The following PIEZO2 variants were observed in gnomAD, a reference collection of about 807,000 sequenced individuals.
The protein encoded by PIEZO2 is piezo-type mechanosensitive ion channel component 2.
PIEZO2 carries 172 observed loss-of-function variants against 337.3 expected under a neutral mutation model. That is an observed-to-expected ratio of 0.51 (90% CI 0.45 to 0.58). The LOEUF (loss-of-function observed/expected upper bound fraction) is 0.58, where lower values mean the gene tolerates loss of function less well. Ranked by LOEUF, PIEZO2 falls within the 20% of genes least tolerant of loss-of-function variation. The pLI is 0.00. For synonymous variants in PIEZO2, 1,251 were observed against 1,228.5 expected, an observed-to-expected ratio of 1.02 and a Z score of -0.38; for missense variants, 3,028 against 3,391.3, an observed-to-expected ratio of 0.89 and a Z score of 2.66.
Position 11,116,710 on chromosome 18 carries a change from G to A in PIEZO2, c.64+31815C>T, listed in dbSNP as rs1351010917. ...AGCCTGGGCGACAGAACGAGACTCCGTCTCAAAAAAAACAAAGAAAAAAAA... is the reference window on the plus strand; with the variant it reads ...AGCCTGGGCGACAGAACGAGACTCCATCTCAAAAAAAACAAAGAAAAAAAA... On this transcript the variant is annotated intron_variant, in intron 1 of 55. Coordinates refer to ENST00000674853, the MANE Select transcript of PIEZO2 (RefSeq NM_001378183.1). The surrounding 1 kb of genome is among the most constrained non-coding windows in gnomAD (Gnocchi z 5.0). Among the ~76,000 whole-genome samples, 3 of 150,598 alleles carry A rather than the reference G, an allele frequency of 2.0e-5. No individual in the cohort carries two copies. Among genetic ancestry groups the A allele is most frequent in the Non-Finnish European group, 4.4e-5 (3 of 67,846 alleles).
intron 21 of PIEZO2, among the ~76,000 whole-genome samples, chr18:10,768,378 A>G (rs2038455560): frequency 6.6e-6 from 1 of 152,210 alleles, no homozygotes; most frequent in African/African-American, 2.4e-5. Flanking sequence ...ATTGGATGTC[A>G]TCACCAAATT....
rs1568096281 is a variant in PIEZO2 at position 10,819,032 on chromosome 18, C to G, written c.918-11758G>C. Among the ~76,000 whole-genome samples the G allele has an allele frequency of 2.0e-5, 3 of 152,114 alleles. No individual in the cohort carries two copies. The highest frequency in any genetic ancestry group is 2.9e-5 in the Non-Finnish European group (2 of 68,018). Reference sequence around the variant, plus strand: ...TAATAATTTTTTGTTACACTTTAAACAGTAAATATACACATCGTCCCCCAC... The same window carrying G: ...TAATAATTTTTTGTTACACTTTAAAGAGTAAATATACACATCGTCCCCCAC... On this transcript the variant is annotated intron_variant, in intron 7 of 55. Transcript: ENST00000674853. This position sits in a 1 kb window ranked among gnomAD's most constrained non-coding sequence, Gnocchi z 4.3.
rs1014160728 is a variant in PIEZO2, at chr18:10,888,839, G to A, written c.330-17424C>T. 6.6e-6 allele frequency among the ~76,000 whole-genome samples: 1 copy of A among 151,362 alleles called. No homozygotes were observed. Among genetic ancestry groups the A allele is most frequent in the African/African-American group, 2.4e-5 (1 of 41,108 alleles). On this transcript the variant is annotated intron_variant, in intron 4 of 55. Coordinates refer to ENST00000674853, the MANE Select transcript of PIEZO2 (RefSeq NM_001378183.1). The surrounding 1 kb of genome is among the most constrained non-coding windows in gnomAD (Gnocchi z 4.1). ...TCCAGCTGTCACTTCTGCAACCCCC[G>A]AGACAGAGCCACTTTCTCATACAGG...
rs2034035110 is a variant in PIEZO2 at position 10,676,958 on chromosome 18, T to G, written c.8081+789A>C. ...GAATGCGATACCACTGGGCACATAC[T>G]ATGTTGGGCCATATGAACCCAGGTG... On this transcript the variant is annotated intron_variant, in intron 53 of 55. Coordinates refer to ENST00000674853, the MANE Select transcript of PIEZO2 (RefSeq NM_001378183.1). The surrounding 1 kb of genome is among the most constrained non-coding windows in gnomAD (Gnocchi z 5.1). Among the ~76,000 whole-genome samples, 1 of 152,164 alleles carries G rather than the reference T, an allele frequency of 6.6e-6. No individual in the cohort carries two copies. Among genetic ancestry groups the G allele is most frequent in the Non-Finnish European group, 1.5e-5 (1 of 68,020 alleles).
At chr18:11,011,125 A>T (rs2660273) in intron 2 of PIEZO2, among the ~76,000 whole-genome samples, 1 of 151,996 alleles carries the variant, frequency 6.6e-6, no homozygotes, top group African/African-American at 2.4e-5. Flanking sequence ...AGCCTCCTAA[A>T]GACTGCAATG....
rs1056235479 is a variant in PIEZO2 at position 11,001,668 on chromosome 18, G to A, written c.161-22008C>T. Among the ~76,000 whole-genome samples the A allele has an allele frequency of 6.6e-5, 10 of 151,788 alleles. No homozygotes were observed. Among genetic ancestry groups the A allele is most frequent in the Admixed American group, 3.9e-4 (6 of 15,234 alleles). On this transcript the variant is annotated intron_variant, in intron 2 of 55. Coordinates refer to ENST00000674853, the MANE Select transcript of PIEZO2 (RefSeq NM_001378183.1). The surrounding 1 kb of genome is among the most constrained non-coding windows in gnomAD (Gnocchi z 5.3). ...TGAGGTGGGCGGATCATCTGAGGTCGGGAGTTCGAGACCAACCTGGCTAAC... is the reference window on the plus strand; with the variant it reads ...TGAGGTGGGCGGATCATCTGAGGTCAGGAGTTCGAGACCAACCTGGCTAAC...
intron 23 of PIEZO2, 37 bp downstream of exon 23, chr18:10,762,463 G>T: frequency 6.5e-7 from 1 of 1,529,878 alleles, no homozygotes; most frequent in Non-Finnish European, 8.7e-7. Flanking sequence ...TTATATAACG[G>T]AGTGGAGGCC....
Position 10,759,475 on chromosome 18 carries a change from C to A in PIEZO2, c.3757+7G>T. ...GCACTCTGTGGCCCTGCAGTGGAAA[C>A]ACTTACAGACGAGAAACACAGGGTT... On this transcript the variant is annotated splice_region_variant and intron_variant, in intron 26 of 55. Coordinates refer to ENST00000674853, the MANE Select transcript of PIEZO2 (RefSeq NM_001378183.1). This position sits in a 1 kb window ranked among gnomAD's most constrained non-coding sequence, Gnocchi z 5.5. 6.5e-7 allele frequency: 1 copy of A among 1,534,378 alleles called. No individual in the cohort carries two copies. The highest frequency in any genetic ancestry group is 2.4e-5 in the East Asian group (1 of 40,894).
rs1429428881 is a variant in PIEZO2 at position 10,727,222 on chromosome 18, G to C, written c.5029+4185C>G. 1 of 286,064 alleles carries C rather than the reference G, an allele frequency of 3.5e-6. No individual in the cohort carries two copies. The highest frequency in any genetic ancestry group is 6.4e-6 in the Non-Finnish European group (1 of 155,852). 17.7% of individuals were successfully genotyped at this position (286,064 alleles called of 1,614,324 possible). On this transcript the variant is annotated intron_variant, in intron 36 of 55. Coordinates refer to ENST00000674853, the MANE Select transcript of PIEZO2 (RefSeq NM_001378183.1). This position sits in a 1 kb window ranked among gnomAD's most constrained non-coding sequence, Gnocchi z 6.3. ...GGGAAGGCATGGGGGCAGGAAGGGAGCTGAGCATTGATGGGGATGAGGGTG... is the reference window on the plus strand; with the variant it reads ...GGGAAGGCATGGGGGCAGGAAGGGACCTGAGCATTGATGGGGATGAGGGTG...
chr18:10,838,906 A>C (rs973559533), intron 7 of PIEZO2, among the ~76,000 whole-genome samples: 6 of 152,226 alleles, frequency 3.9e-5, no homozygotes, highest in Non-Finnish European at 8.8e-5. Flanking sequence ...CAAGAAGCCC[A>C]AGATGAGAGG....
At position 11,016,627 on chromosome 18, in the gene PIEZO2, G is replaced by A. The variant is rs2036124781; in HGVS notation, c.161-36967C>T. On this transcript the variant is annotated intron_variant, in intron 2 of 55. Transcript: ENST00000674853. The surrounding 1 kb of genome is among the most constrained non-coding windows in gnomAD (Gnocchi z 5.6). ...AAAAGAAAACAAATGCTGGGATTCT[G>A]AATACAATCCTAGAAAAGGCAAAAC... 6.6e-6 allele frequency among the ~76,000 whole-genome samples: 1 copy of A among 152,154 alleles called. No homozygotes were observed. The highest frequency in any genetic ancestry group is 1.5e-5 in the Non-Finnish European group (1 of 68,024).
chr18:11,095,776 G>T lies in PIEZO2; in HGVS notation c.65-29554C>A, dbSNP rs138155471. On this transcript the variant is annotated intron_variant, in intron 1 of 55. Coordinates refer to ENST00000674853, the MANE Select transcript of PIEZO2 (RefSeq NM_001378183.1). Reference sequence around the variant, plus strand: ...GACTTCAACCGATTTGGAAGCTTTTGTCTAAATAGCCCTGAAATCCCCCGA... The same window carrying T: ...GACTTCAACCGATTTGGAAGCTTTTTTCTAAATAGCCCTGAAATCCCCCGA... 6.9e-3 allele frequency among the ~76,000 whole-genome samples: 1,051 copies of T among 152,260 alleles called. 19 individuals carry two copies. The highest frequency in any genetic ancestry group is 0.043 in the Admixed American group (661 of 15,298).
intron 3 of PIEZO2, among the ~76,000 whole-genome samples, chr18:10,976,395 G>A (rs948570490): frequency 6.6e-6 from 1 of 152,134 alleles, no homozygotes; most frequent in African/African-American, 2.4e-5. Context: ...CCACCTTCAA[G>A]TTTCCTATGG....
intron 7 of PIEZO2, among the ~76,000 whole-genome samples, chr18:10,817,865 G>A (rs1168094933): frequency 1.3e-5 from 2 of 150,668 alleles, no homozygotes; most frequent in Admixed American, 6.6e-5. Flanking sequence ...GGAGGTTGCA[G>A]TGAGCCAAGA....
At chr18:11,004,532 T>G (rs2035654477) in intron 2 of PIEZO2, among the ~76,000 whole-genome samples, 1 of 152,212 alleles carries the variant, frequency 6.6e-6, no homozygotes, top group Non-Finnish European at 1.5e-5. Flanking sequence ...ACAGTTGCTC[T>G]CCACCCAGTT....
At chr18:11,145,955 G>A (rs529348994) in intron 1 of PIEZO2, among the ~76,000 whole-genome samples, 2 of 152,196 alleles carry the variant, frequency 1.3e-5, no homozygotes, top group East Asian at 3.9e-4. Flanking sequence ...AAAGCAACAG[G>A]TTCCAGGCTG....
intron 43 of PIEZO2, among the ~76,000 whole-genome samples, chr18:10,699,788 C>T (rs2035257533): frequency 6.6e-6 from 1 of 152,206 alleles, no homozygotes; most frequent in Non-Finnish European, 1.5e-5. Context: ...ATTACAGTGA[C>T]TTGACTTATT....
At position 10,813,870 on chromosome 18, in the gene PIEZO2, G is replaced by A. The variant is rs9946274; in HGVS notation, c.918-6596C>T. Among the ~76,000 whole-genome samples, 1 of 151,954 alleles carries A rather than the reference G, an allele frequency of 6.6e-6. No homozygotes were observed. The highest frequency in any genetic ancestry group is 2.4e-5 in the African/African-American group (1 of 41,330). On this transcript the variant is annotated intron_variant, in intron 7 of 55. Transcript: ENST00000674853. The surrounding 1 kb of genome is among the most constrained non-coding windows in gnomAD (Gnocchi z 4.2). Reference sequence around the variant, plus strand: ...GCTGCCCGATTTTACATTCCCACCAGCAGTGCACAGTCTTCCAGTTTCCCT... The same window carrying A: ...GCTGCCCGATTTTACATTCCCACCAACAGTGCACAGTCTTCCAGTTTCCCT...
At chr18:10,886,421 T>TAC (rs2042602958) in intron 4 of PIEZO2, among the ~76,000 whole-genome samples, 1 of 62,826 alleles carries the variant, frequency 1.6e-5, no homozygotes, top group Non-Finnish European at 2.7e-5. Context: ...TATATATATA[T>TAC]ATGTAATCTC....
Sources: allele counts gnomAD v4.1 joint callset (sites outside exome capture counted in the v4.1 genomes callset), GRCh38; gene constraint gnomAD v4.1.1; non-coding constraint Gnocchi (gnomAD v3.1); transcripts MANE v1.5; gene names NCBI Gene and HGNC (gene_info 2026-07-23, HGNC 2026-07-21).